Variants in GALNTL6 observed in about 807,000 individuals in gnomAD.
GALNTL6 encodes the protein polypeptide N-acetylgalactosaminyltransferase-like 6.
Under a neutral mutation model 73.7 loss-of-function variants are expected in GALNTL6, and 46 were observed. That is an observed-to-expected ratio of 0.62 (90% confidence interval 0.49 to 0.80). The LOEUF is 0.80. Among genes scored for constraint, GALNTL6 ranks in the 30% least tolerant of loss-of-function variants. The probability of loss-of-function intolerance (pLI) is 0.00; values close to 1 mark genes in which losing one functional copy is unlikely to be tolerated. For synonymous variants in GALNTL6, 259 were observed against 263.7 expected (o/e 0.98, Z 0.17); for missense variants, 604 against 755.0 (o/e 0.80, Z 2.34).
chr4:172,621,050 C>T (rs914715847), intron 5 of GALNTL6, among the ~76,000 whole-genome samples: 4 of 152,026 alleles, frequency 2.6e-5, no homozygotes, highest in African/African-American at 7.2e-5. Flanking sequence ...CTGAGAAGCT[C>T]GGCTTTCTTT....
At chr4:171,989,026 G>C (rs924423687) in intron 2 of GALNTL6, among the ~76,000 whole-genome samples, 5 of 151,938 alleles carry the variant, frequency 3.3e-5, no homozygotes, top group Non-Finnish European at 7.4e-5. Context: ...GGGCAGGTGG[G>C]GATAACTAAA....
intron 3 of GALNTL6, among the ~76,000 whole-genome samples, chr4:172,242,100 A>AT (rs896172262): frequency 1.2e-4 from 18 of 151,732 alleles, no homozygotes; most frequent in Non-Finnish European, 2.6e-4. Flanking sequence ...TCCACGTATA[A>AT]TTTTTTTTTA....
intron 2 of GALNTL6, among the ~76,000 whole-genome samples, chr4:171,940,988 G>A (rs546626404): frequency 4.6e-5 from 7 of 151,820 alleles, no homozygotes; most frequent in African/African-American, 1.7e-4. Flanking sequence ...GATGGGAGTG[G>A]AAAATTAAAA....
chr4:172,409,515 G>A (rs1255692854), intron 5 of GALNTL6, among the ~76,000 whole-genome samples: 1 of 152,004 alleles, frequency 6.6e-6, no homozygotes, highest in African/African-American at 2.4e-5. Flanking sequence ...CTTGTTCTTA[G>A]TCTAATGAAC....
chr4:172,220,869 C>A (rs1736648368), intron 2 of GALNTL6, among the ~76,000 whole-genome samples: 1 of 151,746 alleles, frequency 6.6e-6, no homozygotes, highest in East Asian at 1.9e-4. Flanking sequence ...TACATTTGTG[C>A]ACATGCGGCT....
At chr4:173,021,440 C>T in intron 11 of GALNTL6, 36 bp from the exon 12 acceptor site, 5 of 1,611,112 alleles carry the variant, frequency 3.1e-6, no homozygotes, top group Non-Finnish European at 4.2e-6. Context: ...CCAAAACAAA[C>T]TCACTGCAGC....
chr4:172,611,897 C>A (rs1052843714), intron 5 of GALNTL6, among the ~76,000 whole-genome samples: 11 of 152,194 alleles, frequency 7.2e-5, no homozygotes, highest in African/African-American at 2.4e-4. Flanking sequence ...ATTTATAAGG[C>A]ACAGGAAGTT....
intron 5 of GALNTL6, among the ~76,000 whole-genome samples, chr4:172,647,059 G>A (rs1740273708): frequency 6.6e-6 from 1 of 152,018 alleles, no homozygotes; most frequent in Admixed American, 6.6e-5. Context: ...AACCCACCCT[G>A]TAGAGGTTTC....
chr4:172,291,431 A>G (rs1241800973), intron 3 of GALNTL6, among the ~76,000 whole-genome samples: 1 of 152,136 alleles, frequency 6.6e-6, no homozygotes, highest in African/African-American at 2.4e-5. Context: ...TATTTTGTTT[A>G]TAATACTTAA....
intron 2 of GALNTL6, among the ~76,000 whole-genome samples, chr4:171,986,445 C>T (rs1022893016): frequency 2.0e-5 from 3 of 152,084 alleles, no homozygotes; most frequent in Admixed American, 1.3e-4. Context: ...GATGGCTTAG[C>T]TTGGGCTCAG....
chr4:172,236,022 T>C (rs1737228716), intron 3 of GALNTL6, among the ~76,000 whole-genome samples: 1 of 152,224 alleles, frequency 6.6e-6, no homozygotes, highest in Non-Finnish European at 1.5e-5. Context: ...TTCCATGGTA[T>C]ACTTAAAAAT....
chr4:172,001,551 G>T (rs1196049618), intron 2 of GALNTL6, among the ~76,000 whole-genome samples: 1 of 152,076 alleles, frequency 6.6e-6, no homozygotes, highest in Non-Finnish European at 1.5e-5. Context: ...GATATTATTT[G>T]CTTTCTGGGC....
chr4:172,293,261 C>A (rs1370532523), intron 3 of GALNTL6, among the ~76,000 whole-genome samples: 3 of 152,080 alleles, frequency 2.0e-5, no homozygotes, highest in Non-Finnish European at 4.4e-5. Flanking sequence ...CTCATGCCCC[C>A]ACCCTTTTTT....
At chr4:171,951,926 T>G (rs144957223) in intron 2 of GALNTL6, among the ~76,000 whole-genome samples, 23 of 152,044 alleles carry the variant, frequency 1.5e-4, no homozygotes, top group African/African-American at 5.1e-4. Flanking sequence ...GAGCAATGTA[T>G]CCCAGAGTTA....
Position 172,669,644 on chromosome 4 carries a change from C to A in GALNTL6, c.554-139717C>A, listed in dbSNP as rs144811840. Among the ~76,000 whole-genome samples, 19 of 152,128 alleles carry A rather than the reference C, an allele frequency of 1.2e-4. No individual in the cohort carries two copies. In the East Asian group the frequency reaches 3.7e-3, roughly 29 times the overall value. ...AATAAATGTCTACTCAAGCCATCTG[C>A]CCATTTTTATTTTTATTTTTTGTTT... On this transcript the variant is annotated intron_variant, in intron 5 of 12. Coordinates refer to ENST00000506823, the MANE Select transcript of GALNTL6 (RefSeq NM_001034845.3).
chr4:172,862,813 A>C (rs367801048), intron 7 of GALNTL6, among the ~76,000 whole-genome samples: 1 of 152,256 alleles, frequency 6.6e-6, no homozygotes, highest in Non-Finnish European at 1.5e-5. Flanking sequence ...GACAACGTGG[A>C]AAATGTCTCC....
At chr4:172,341,406 C>G (rs1272888833) in intron 4 of GALNTL6, among the ~76,000 whole-genome samples, 3 of 144,464 alleles carry the variant, frequency 2.1e-5, no homozygotes, top group Non-Finnish European at 3.0e-5. Context: ...AGCCGAGATC[C>G]CGCCACTGCA....
At chr4:171,816,214 G>A (rs761639363) in intron 2 of GALNTL6, 1 of 151,936 alleles carries the variant, frequency 6.6e-6, no homozygotes, top group Non-Finnish European at 1.5e-5. Context: ...CTTGAAATTT[G>A]CTAATTCAAT....
In GALNTL6 at chr4:172,748,890, TTGTTGTTGTTGTTG is replaced by T. The variant is rs1441796964; in HGVS notation, c.554-60469_554-60456del. The stretch of plus-strand genomic sequence containing the variant: ...ATACACATATTTTCTTTTGTTGTTG[TTGTTGTTGTTGTTG>T]TTGTTGTTGTTGTTGTTGTTGTTTA... On this transcript the variant is annotated intron_variant, in intron 5 of 12. Coordinates refer to ENST00000506823, the MANE Select transcript of GALNTL6 (RefSeq NM_001034845.3). Among the ~76,000 whole-genome samples, 4 of 470 alleles carry T rather than the reference TTGTTGTTGTTGTTG, an allele frequency of 8.5e-3. No individual in the cohort carries two copies. In the East Asian group the frequency reaches 0.17, roughly 20 times the overall value. The allele number at this position is 470 out of a possible 152,430, so 0.3% of individuals were successfully genotyped here.
Sources: allele counts gnomAD v4.1 joint callset (sites outside exome capture counted in the v4.1 genomes callset), GRCh38; gene constraint gnomAD v4.1.1; transcripts MANE v1.5; gene names NCBI Gene and HGNC (gene_info 2026-07-23, HGNC 2026-07-21).